Variants in NDST4 observed in about 807,000 individuals in gnomAD.
NDST4 encodes N-deacetylase and N-sulfotransferase 4.
NDST4 carries 63 observed loss-of-function variants against 100.8 expected under a neutral mutation model. The observed-to-expected ratio is 0.62, with a 90% CI of 0.51 to 0.77. The LOEUF is 0.77. Among genes scored for constraint, NDST4 ranks in the 30% least tolerant of loss-of-function variants. The pLI is 0.00. For synonymous variants in NDST4, 377 were observed against 361.8 expected (o/e 1.04, Z -0.48); for missense variants, 943 against 1,018.4 (o/e 0.93, Z 1.01).
At chr4:115,078,033 G>T (rs949641431) in intron 1 of NDST4, among the ~76,000 whole-genome samples, 4 of 152,048 alleles carry the variant, frequency 2.6e-5, no homozygotes, top group African/African-American at 9.7e-5. Flanking sequence ...TTTTATCCAA[G>T]AATCAGATGT....
At chr4:115,042,699 A>G (rs1171804848) in intron 2 of NDST4, among the ~76,000 whole-genome samples, 5 of 152,066 alleles carry the variant, frequency 3.3e-5, no homozygotes, top group African/African-American at 1.2e-4. Flanking sequence ...CTAAGGAAGT[A>G]TCCCCTGGCG....
Position 115,076,074 on chromosome 4 carries a change from AT to A in NDST4, c.962del (p.Asn321MetfsTer5). On this transcript the variant is annotated frameshift_variant, in exon 2 of 14. Coordinates refer to ENST00000264363, the MANE Select transcript of NDST4 (RefSeq NM_022569.3). LOFTEE classifies it high-confidence loss of function. ...ATAAGCTTACCTTCACATCTTTGAC[AT>A]TCATCCTTGTTCCCTCTTTCCCAAC... ...IFVGKEGTRMNVKDVKALLET... is the reference protein window; with the variant it reads ...IFVGKEGTRMXVKDVKALLET... 1.2e-6 allele frequency: 2 copies of A among 1,609,064 alleles called. No homozygotes were observed. The highest frequency in any genetic ancestry group is 1.7e-6 in the Non-Finnish European group (2 of 1,177,206).
chr4:114,876,321 C>T (rs189893728), intron 6 of NDST4, among the ~76,000 whole-genome samples: 127 of 152,174 alleles, frequency 8.3e-4, no homozygotes, highest in Non-Finnish European at 3.4e-4. Flanking sequence ...ATTGATTATG[C>T]TTTTAGTTCT....
intron 6 of NDST4, among the ~76,000 whole-genome samples, chr4:114,920,742 G>A (rs1203609525): frequency 6.6e-6 from 1 of 152,146 alleles, no homozygotes; most frequent in Non-Finnish European, 1.5e-5. Flanking sequence ...TGTTCTCACA[G>A]AGAGGTAATT....
intron 2 of NDST4, among the ~76,000 whole-genome samples, chr4:115,074,991 A>G (rs1268329866): frequency 6.6e-6 from 1 of 152,148 alleles, no homozygotes; most frequent in African/African-American, 2.4e-5. Flanking sequence ...AAGATTGTTT[A>G]AAAGATGATT....
chr4:115,011,347 C>G (rs184225819), intron 2 of NDST4, among the ~76,000 whole-genome samples: 68 of 152,078 alleles, frequency 4.5e-4, no homozygotes, highest in African/African-American at 1.6e-3. Context: ...AAAGTCTTAT[C>G]ACTTATCTCT....
intron 2 of NDST4, among the ~76,000 whole-genome samples, chr4:115,001,086 T>G (rs568192933): frequency 6.6e-6 from 1 of 152,108 alleles, no homozygotes; most frequent in South Asian, 2.1e-4. Context: ...ACCTTAGGGG[T>G]GAGAGTTTTA....
At chr4:114,829,169 T>C (rs1292537902) in intron 13 of NDST4, among the ~76,000 whole-genome samples, 1 of 152,158 alleles carries the variant, frequency 6.6e-6, no homozygotes, top group African/African-American at 2.4e-5. Context: ...ATATGTATGA[T>C]ACCTGGCTGA....
chr4:115,044,689 C>T (rs1226679970), intron 2 of NDST4, among the ~76,000 whole-genome samples: 1 of 141,602 alleles, frequency 7.1e-6, no homozygotes, highest in Non-Finnish European at 1.5e-5. Context: ...GAGTAAAAGT[C>T]AGCAGGAAGG....
intron 2 of NDST4, among the ~76,000 whole-genome samples, chr4:115,020,475 C>T (rs1420348297): frequency 6.6e-6 from 1 of 151,914 alleles, no homozygotes; most frequent in African/African-American, 2.4e-5. Flanking sequence ...TAGGAAAAAC[C>T]CTTTTAGATA....
intron 4 of NDST4, among the ~76,000 whole-genome samples, chr4:114,953,020 C>CTTTTTTTTTTTT (rs201567077): frequency 7.4e-6 from 1 of 135,934 alleles, no homozygotes. Flanking sequence ...CATTTTTTTT[C>CTTTTTTTTTTTT]TTTTTTTTTT....
In NDST4 at chr4:114,870,861, G is replaced by A. The variant is rs2126196851; in HGVS notation, c.1626C>T (p.Ser542=). Residue 542 remains serine (S), a synonymous_variant, in exon 7 of 14, where the codon AGC becomes AGT. Coordinates refer to ENST00000264363, the MANE Select transcript of NDST4 (RefSeq NM_022569.3). ...GAGTTTGCAATTTCAGGTTGGTCCA[G>A]CTCTGCACAAAGTTGACCAAGTTCA... ...TFVNLVNFVQ[S]WTNLKLQTLP... 1 of 1,613,186 alleles carries A rather than the reference G, an allele frequency of 6.2e-7. No individual in the cohort carries two copies. Among genetic ancestry groups the A allele is most frequent in the Non-Finnish European group, 8.5e-7 (1 of 1,179,394 alleles).
chr4:115,086,852 T>C (rs1019005518), intron 1 of NDST4, among the ~76,000 whole-genome samples: 6 of 152,150 alleles, frequency 3.9e-5, no homozygotes, highest in African/African-American at 1.4e-4. Context: ...TAGAAAAACA[T>C]GGGGATTTTG....
chr4:114,951,080 C>T (rs1725979642), intron 4 of NDST4, among the ~76,000 whole-genome samples: 1 of 151,828 alleles, frequency 6.6e-6, no homozygotes, highest in Non-Finnish European at 1.5e-5. Context: ...AAGGAAGAAA[C>T]AAGCAAAAAA....
chr4:115,011,474 T>C (rs1005936203), intron 2 of NDST4, among the ~76,000 whole-genome samples: 1 of 151,702 alleles, frequency 6.6e-6, no homozygotes, highest in African/African-American at 2.4e-5. Context: ...TTTTTTTTTT[T>C]TCCTGCAATC....
intron 2 of NDST4, among the ~76,000 whole-genome samples, chr4:115,004,728 T>C (rs775582325): frequency 6.6e-6 from 1 of 152,200 alleles, no homozygotes; most frequent in Admixed American, 6.6e-5. Flanking sequence ...GTGAGTTGTA[T>C]AAGACATGTA....
Position 114,934,561 on chromosome 4 carries a change from A to T in NDST4, c.1536+645T>A, listed in dbSNP as rs572779193. Among the ~76,000 whole-genome samples, 516 of 150,756 alleles carry T rather than the reference A, an allele frequency of 3.4e-3. 2 individuals carry two copies. The highest frequency in any genetic ancestry group is 5.2e-3 in the Non-Finnish European group (350 of 67,682). On this transcript the variant is annotated intron_variant, in intron 6 of 13. Transcript: ENST00000264363. Reference sequence around the variant, plus strand: ...AGAGCGAGACTGCCTCTCAAAAAAAAAAAAATAAAATAAAAATAAAAAAAA... The same window carrying T: ...AGAGCGAGACTGCCTCTCAAAAAAATAAAAATAAAATAAAAATAAAAAAAA...
chr4:115,111,490 TA>T (rs1729950930), intron 1 of NDST4, among the ~76,000 whole-genome samples: 1 of 151,666 alleles, frequency 6.6e-6, no homozygotes. Context: ...ATGTTTAGGA[TA>T]ATATATTTAA....
intron 7 of NDST4, among the ~76,000 whole-genome samples, chr4:114,853,791 A>T (rs376296290): frequency 6.6e-6 from 1 of 152,242 alleles, no homozygotes; most frequent in South Asian, 2.1e-4. Flanking sequence ...TACTTTAATC[A>T]GTTCCTTTTT....
Sources: allele counts gnomAD v4.1 joint callset (sites outside exome capture counted in the v4.1 genomes callset), GRCh38; gene constraint gnomAD v4.1.1; transcripts MANE v1.5; gene names NCBI Gene and HGNC (gene_info 2026-07-23, HGNC 2026-07-21).